HSPA12A: variants seen among roughly 807,000 people sequenced by gnomAD.
HSPA12A encodes the protein heat shock protein family A (Hsp70) member 12A.
A neutral mutation model predicts 69.2 loss-of-function variants in HSPA12A; 28 were observed. That is an observed-to-expected ratio of 0.40 (90% confidence interval 0.30 to 0.55). The LOEUF (loss-of-function observed/expected upper bound fraction) is 0.55. HSPA12A is among the 20% of genes least tolerant of loss of function. The pLI is 0.38. For missense variants in HSPA12A, 686 were observed against 900.7 expected (o/e 0.76, Z 3.05); for synonymous variants, 345 against 370.5 (o/e 0.93, Z 0.79).
chr10:116,745,057 C>T (rs536549588), upstream of HSPA12A, among the ~76,000 whole-genome samples: 3 of 152,300 alleles, frequency 2.0e-5, no homozygotes, highest in African/African-American at 7.2e-5. Context: ...GGTCACTCCC[C>T]CGGACACATC....
chr10:116,725,243 T>A (rs1024580820), intron 1 of HSPA12A, among the ~76,000 whole-genome samples: 2 of 152,134 alleles, frequency 1.3e-5, no homozygotes, highest in Admixed American at 1.3e-4. Flanking sequence ...ATTCCCCAAA[T>A]GTCCCCTGCC....
chr10:116,686,491 T>C lies in HSPA12A; in HGVS notation c.664-2529A>G, dbSNP rs1328494982. Reference sequence around the variant, plus strand: ...CCAAAGTTCAAACTTGAAAATAAACTGGGGATGGCAGTAGACCCATGAGTG... The same window carrying C: ...CCAAAGTTCAAACTTGAAAATAAACCGGGGATGGCAGTAGACCCATGAGTG... On this transcript the variant is annotated intron_variant, in intron 6 of 11. Coordinates refer to ENST00000369209, the MANE Select transcript of HSPA12A (RefSeq NM_025015.3). This position sits in a 1 kb window ranked among gnomAD's most constrained non-coding sequence, Gnocchi z 4.1. Among the ~76,000 whole-genome samples, 1 of 152,076 alleles carries C rather than the reference T, an allele frequency of 6.6e-6. No individual in the cohort carries two copies. The highest frequency in any genetic ancestry group is 1.5e-5 in the Non-Finnish European group (1 of 68,012).
Position 116,806,918 on chromosome 10 carries a change from G to A in HSPA12A, c.91+28017C>T, listed in dbSNP as rs540382214. Reference sequence around the variant, plus strand: ...TTTGGAGATGAGGAGATCGTCCTGGGTTACCCAGTTATAAATCCAGTGGCA... The same window carrying A: ...TTTGGAGATGAGGAGATCGTCCTGGATTACCCAGTTATAAATCCAGTGGCA... On this transcript the variant is annotated intron_variant, in intron 2 of 12. Transcript: ENST00000635765. Among the ~76,000 whole-genome samples, 10 of 152,338 alleles carry A rather than the reference G, an allele frequency of 6.6e-5. No homozygotes were observed. In the South Asian group the frequency reaches 2.1e-3, roughly 32 times the overall value.
In HSPA12A at chr10:116,692,435, C is replaced by T. The variant is rs1554880266; in HGVS notation, c.579G>A (p.Glu193=). The T allele has an allele frequency of 1.2e-6, 2 of 1,614,010 alleles. No individual in the cohort carries two copies. The highest frequency in any genetic ancestry group is 2.7e-5 in the African/African-American group (2 of 74,942). Residue 193 remains glutamate, a synonymous_variant, in exon 6 of 12, where the codon GAG becomes GAA. Coordinates refer to ENST00000369209, the MANE Select transcript of HSPA12A (RefSeq NM_025015.3). ...ELSDQAGSEF[E]NSDVRWVITV... is the part of the protein sequence containing the mutation. Reference sequence around the variant, plus strand: ...TGATGACCCATCTGACATCAGAGTTCTCGAACTCCGAACCCGCCTGGTCAC... The same window carrying T: ...TGATGACCCATCTGACATCAGAGTTTTCGAACTCCGAACCCGCCTGGTCAC...
At chr10:116,687,476 G>T (rs1367910977) in intron 6 of HSPA12A, among the ~76,000 whole-genome samples, 1 of 152,172 alleles carries the variant, frequency 6.6e-6, no homozygotes, top group Non-Finnish European at 1.5e-5. Context: ...GAGGAGAGGT[G>T]AGAAGAGGCA....
chr10:116,792,078 G>T (rs1844711038), intron 2 of HSPA12A, among the ~76,000 whole-genome samples: 2 of 151,494 alleles, frequency 1.3e-5, no homozygotes, highest in Non-Finnish European at 2.9e-5. Flanking sequence ...AATAATGATG[G>T]CCATAAATAC....
intron 1 of HSPA12A, among the ~76,000 whole-genome samples, chr10:116,741,095 G>C (rs1444487711): frequency 3.9e-5 from 6 of 152,184 alleles, no homozygotes; most frequent in African/African-American, 1.4e-4. Flanking sequence ...GTGTGTTTGG[G>C]GACGGCCTGG....
chr10:116,740,678 G>GTC (rs1472412015), intron 1 of HSPA12A, among the ~76,000 whole-genome samples: 38 of 50,604 alleles, frequency 7.5e-4, no homozygotes, highest in African/African-American at 2.6e-3. Flanking sequence ...GTGTGTGTCT[G>GTC]TGTGTGTGTG....
intron 2 of HSPA12A, among the ~76,000 whole-genome samples, chr10:116,824,420 C>T (rs192966911): frequency 7.9e-5 from 12 of 152,196 alleles, no homozygotes; most frequent in Middle Eastern, 3.4e-3. Flanking sequence ...CCAAGAGAAG[C>T]GAAAAAATAC....
Position 116,692,456 on chromosome 10 carries a change from G to C in HSPA12A, c.558C>G (p.Asp186Glu). 6.2e-7 allele frequency: 1 copy of C among 1,613,706 alleles called. No homozygotes were observed. The highest frequency in any genetic ancestry group is 8.5e-7 in the Non-Finnish European group (1 of 1,179,680). Residue 186 changes from aspartate to glutamate, a missense_variant, in exon 6 of 12, where the codon GAC becomes GAG. Physicochemically the swap from Asp to Glu is conservative, Grantham distance 45. Coordinates refer to ENST00000369209, the MANE Select transcript of HSPA12A (RefSeq NM_025015.3). ...AGTTCTCGAACTCCGAACCCGCCTG[G>C]TCACTCAGCTCCTGAAGCCAAGGGA... ...FKEQALKELS[D>E]QAGSEFENSD...
chr10:116,790,597 A>G (rs1164623241), intron 2 of HSPA12A, among the ~76,000 whole-genome samples: 6 of 152,248 alleles, frequency 3.9e-5, no homozygotes, highest in African/African-American at 1.4e-4. Context: ...TTCACAGCCC[A>G]GCTCAAATAT....
intron 2 of HSPA12A, among the ~76,000 whole-genome samples, chr10:116,793,762 G>T (rs1310745161): frequency 6.6e-6 from 1 of 151,926 alleles, no homozygotes; most frequent in Non-Finnish European, 1.5e-5. Context: ...AACAGAATAT[G>T]TAACTTCCAA....
intron 1 of HSPA12A, among the ~76,000 whole-genome samples, chr10:116,838,927 C>T (rs1845760784): frequency 1.3e-5 from 2 of 152,200 alleles, no homozygotes; most frequent in Non-Finnish European, 2.9e-5. Flanking sequence ...GAGAGCCACA[C>T]ACATTTCAAC....
At chr10:116,791,782 G>A (rs1038387535) in intron 2 of HSPA12A, among the ~76,000 whole-genome samples, 5 of 151,842 alleles carry the variant, frequency 3.3e-5, no homozygotes, top group African/African-American at 4.8e-5. Context: ...CAGCACCCCC[G>A]AGTTCACCTC....
At chr10:116,795,769 C>A (rs899403670) in intron 2 of HSPA12A, among the ~76,000 whole-genome samples, 1 of 149,390 alleles carries the variant, frequency 6.7e-6, no homozygotes, top group Non-Finnish European at 1.5e-5. Flanking sequence ...ATAAGTATAT[C>A]ATATATTATT....
chr10:116,703,900 T>C (rs1850154844), intron 3 of HSPA12A, among the ~76,000 whole-genome samples: 1 of 152,252 alleles, frequency 6.6e-6, no homozygotes, highest in African/African-American at 2.4e-5. Context: ...CTGCCTTCTC[T>C]CTGGCAGGTG....
At chr10:116,733,248 A>G (rs1464454717) in intron 1 of HSPA12A, among the ~76,000 whole-genome samples, 1 of 152,186 alleles carries the variant, frequency 6.6e-6, no homozygotes, top group African/African-American at 2.4e-5. Flanking sequence ...GACTAAAGGA[A>G]AGAAAAGGAA....
intron 1 of HSPA12A, among the ~76,000 whole-genome samples, chr10:116,844,874 G>A (rs567538646): frequency 3.6e-4 from 55 of 152,292 alleles, no homozygotes; most frequent in South Asian, 1.2e-3. Flanking sequence ...GAACAAATAC[G>A]TCTTTATTCA....
chr10:116,744,154 G>C (rs374058332), upstream of HSPA12A, among the ~76,000 whole-genome samples: 1 of 152,104 alleles, frequency 6.6e-6, no homozygotes, highest in Non-Finnish European at 1.5e-5. Flanking sequence ...AGCTACAGCC[G>C]CTCTGATTCT....
Sources: allele counts gnomAD v4.1 joint callset (sites outside exome capture counted in the v4.1 genomes callset), GRCh38; gene constraint gnomAD v4.1.1; non-coding constraint Gnocchi (gnomAD v3.1); transcripts MANE v1.5; gene names NCBI Gene and HGNC (gene_info 2026-07-23, HGNC 2026-07-21).